The following MAPK8 variants were observed in gnomAD, a reference collection of about 807,000 sequenced individuals.
The protein encoded by MAPK8 is mitogen-activated protein kinase 8.
Under a neutral mutation model 52.9 loss-of-function variants are expected in MAPK8, and 13 were observed. The ratio of observed to expected loss-of-function variants is 0.25; its 90% CI spans 0.16 to 0.39. The LOEUF (loss-of-function observed/expected upper bound fraction) is 0.39, where lower values mean the gene tolerates loss of function less well. Among genes scored for constraint, MAPK8 ranks in the 10% least tolerant of loss-of-function variants. The pLI is 1.00. For synonymous variants in MAPK8, 191 were observed against 169.8 expected, an observed-to-expected ratio of 1.12 and a Z score of -0.97; for missense variants, 300 against 519.2, an observed-to-expected ratio of 0.58 and a Z score of 4.10.
chr10:48,355,077 A>G (rs1846737695), intron 1 of MAPK8, among the ~76,000 whole-genome samples: 1 of 151,102 alleles, frequency 6.6e-6, no homozygotes, highest in Non-Finnish European at 1.5e-5. Flanking sequence ...CAGAATATGA[A>G]GTAAGTGTTT....
At chr10:48,396,797 G>A (rs995837624) in intron 1 of MAPK8, among the ~76,000 whole-genome samples, 6 of 152,316 alleles carry the variant, frequency 3.9e-5, no homozygotes, top group Non-Finnish European at 4.4e-5. Flanking sequence ...TAGCTATTCA[G>A]TTCTTTTCCC....
chr10:48,439,165 G>C lies in MAPK8; in HGVS notation c.*4136G>C, dbSNP rs1218551170. ...CCATTCCTCTCCTTCCCTGTGTTCC[G>C]TTCCCTCTCCTTTCCTCTAGACAAA... On this transcript the variant is annotated 3_prime_UTR_variant, in exon 12 of 12. Transcript: ENST00000374189. The C allele has an allele frequency of 6.6e-6, 1 of 151,392 alleles. No individual in the cohort carries two copies. The highest frequency in any genetic ancestry group is 2.4e-5 in the African/African-American group (1 of 41,096). 9.4% of individuals were successfully genotyped at this position (151,392 alleles called of 1,614,324 possible).
At chr10:48,309,058 C>T (rs1841689892) in intron 1 of MAPK8, among the ~76,000 whole-genome samples, 1 of 152,078 alleles carries the variant, frequency 6.6e-6, no homozygotes, top group Non-Finnish European at 1.5e-5. Context: ...TATTGCTTTA[C>T]CTAGTTAGGG....
chr10:48,433,620 T>C (rs1002304172), intron 11 of MAPK8, among the ~76,000 whole-genome samples: 1 of 152,220 alleles, frequency 6.6e-6, no homozygotes, highest in East Asian at 1.9e-4. Context: ...GCTTTGTCTC[T>C]TGTGGTTCCA....
intron 1 of MAPK8, among the ~76,000 whole-genome samples, chr10:48,342,202 C>T (rs1314862546): frequency 6.6e-6 from 1 of 152,184 alleles, no homozygotes; most frequent in Non-Finnish European, 1.5e-5. Flanking sequence ...TTCCCAGGCT[C>T]AAGCGATTCT....
rs185390153 is a variant in MAPK8 at position 48,323,235 on chromosome 10, G to A, written c.-50+16414G>A. On this transcript the variant is annotated intron_variant, in intron 1 of 11. Transcript: ENST00000374189. Reference sequence around the variant, plus strand: ...GGTAACATTTTCATGTCTATTAGGAGTGTAAAAGGGCATTCATGTATCAAA... The same window carrying A: ...GGTAACATTTTCATGTCTATTAGGAATGTAAAAGGGCATTCATGTATCAAA... Among the ~76,000 whole-genome samples the A allele has an allele frequency of 3.9e-3, 591 of 152,314 alleles. 4 individuals are homozygous for A. Among genetic ancestry groups the A allele is most frequent in the Non-Finnish European group, 5.4e-3 (367 of 68,024 alleles).
intron 1 of MAPK8, among the ~76,000 whole-genome samples, chr10:48,361,792 C>T (rs974269632): frequency 1.3e-5 from 2 of 152,116 alleles, no homozygotes; most frequent in Non-Finnish European, 2.9e-5. Context: ...CCTTAGTCTG[C>T]ATCTTTCTTC....
At chr10:48,434,459 G>A (rs1234031781) in intron 11 of MAPK8, among the ~76,000 whole-genome samples, 1 of 152,056 alleles carries the variant, frequency 6.6e-6, no homozygotes, top group Non-Finnish European at 1.5e-5. Flanking sequence ...TTTTTTGTAG[G>A]GAAGTAGCTT....
chr10:48,322,153 A>C (rs1380495980), intron 1 of MAPK8, among the ~76,000 whole-genome samples: 1 of 152,132 alleles, frequency 6.6e-6, no homozygotes, highest in African/African-American at 2.4e-5. Flanking sequence ...TTACTTTAGT[A>C]AAGTTTTCAA....
At chr10:48,380,564 T>C (rs916875357) in intron 1 of MAPK8, among the ~76,000 whole-genome samples, 6 of 150,474 alleles carry the variant, frequency 4.0e-5, no homozygotes, top group African/African-American at 1.5e-4. Context: ...AAACCCCATA[T>C]CTACTAAAAG....
chr10:48,427,285 AAAGT>A, intron 10 of MAPK8, 142 bp downstream of exon 10: 1 of 547,598 alleles, frequency 1.8e-6, no homozygotes, highest in African/African-American at 1.9e-5. Context: ...ACATAAGTAG[AAAGT>A]AAGTCTGCTT....
chr10:48,362,361 C>T (rs17010407), intron 1 of MAPK8, among the ~76,000 whole-genome samples: 1 of 151,950 alleles, frequency 6.6e-6, no homozygotes, highest in African/African-American at 2.4e-5. Context: ...TTTTCTGACC[C>T]TTGTTTCTGC....
chr10:48,409,607 G>A (rs2042642140), intron 3 of MAPK8, among the ~76,000 whole-genome samples: 1 of 152,158 alleles, frequency 6.6e-6, no homozygotes, highest in Non-Finnish European at 1.5e-5. Context: ...GTAGAGGTTT[G>A]TATAATGTAA....
At chr10:48,331,661 C>T (rs72792278) in intron 1 of MAPK8, among the ~76,000 whole-genome samples, 6,782 of 152,226 alleles carry the variant, frequency 0.045, 185 homozygotes, top group Non-Finnish European at 0.065. Flanking sequence ...AGTGGTGAAC[C>T]GTGAACTCAA....
chr10:48,376,739 A>G (rs1697961681), intron 1 of MAPK8, among the ~76,000 whole-genome samples: 1 of 151,940 alleles, frequency 6.6e-6, no homozygotes, highest in Non-Finnish European at 1.5e-5. Context: ...CAGATGCTGG[A>G]GAAATAGGAA....
intron 1 of MAPK8, among the ~76,000 whole-genome samples, chr10:48,393,939 C>G (rs975692260): frequency 3.0e-4 from 45 of 151,604 alleles, no homozygotes; most frequent in African/African-American, 1.1e-3. Flanking sequence ...TCTAGCCAGA[C>G]TGATTAGAAA....
rs1003784459 is a variant in MAPK8, at chr10:48,439,345, T to C, written c.*4316T>C. ...TTTTAAATAAAAAAGAAAAAAGTGG[T>C]ATGAAAATTATGAAATTAAGAGTTT... On this transcript the variant is annotated 3_prime_UTR_variant, in exon 12 of 12. Coordinates refer to ENST00000374189, the MANE Select transcript of MAPK8 (RefSeq NM_001323329.2). The C allele has an allele frequency of 4.0e-5, 6 of 151,158 alleles. 1 individual carries two copies. Among genetic ancestry groups the C allele is most frequent in the Admixed American group, 4.0e-4 (6 of 15,146 alleles). The allele number at this position is 151,158 out of a possible 1,614,324, so 9.4% of individuals were successfully genotyped here.
At chr10:48,343,552 A>G (rs67967483) in intron 1 of MAPK8, among the ~76,000 whole-genome samples, 15,293 of 152,280 alleles carry the variant, frequency 0.1, 787 homozygotes, top group Non-Finnish European at 0.11. Flanking sequence ...CAAGGGAAGA[A>G]AATGCTTCAA....
chr10:48,343,567 T>G (rs1845501320), intron 1 of MAPK8, among the ~76,000 whole-genome samples: 1 of 152,208 alleles, frequency 6.6e-6, no homozygotes, highest in African/African-American at 2.4e-5. Flanking sequence ...CTTCAAGGAT[T>G]CAATTGATCA....
Sources: gnomAD v4.1 joint callset for allele counts (sites outside exome capture counted in the v4.1 genomes callset) on GRCh38, gnomAD v4.1.1 for gene constraint, MANE v1.5 for transcripts, NCBI Gene and HGNC (gene_info 2026-07-23, HGNC 2026-07-21) for gene names.